The following KLHL29 variants were observed in gnomAD, a reference collection of about 807,000 sequenced individuals.
The protein encoded by KLHL29 is kelch like family member 29.
A neutral mutation model predicts 80.4 loss-of-function variants in KLHL29; 21 were observed. The observed-to-expected ratio is 0.26, with a 90% CI of 0.19 to 0.38. The LOEUF (loss-of-function observed/expected upper bound fraction) is 0.38, where lower values mean the gene tolerates loss of function less well. Ranked by LOEUF, KLHL29 falls within the 10% of genes least tolerant of loss-of-function variation. KLHL29 has a pLI of 1.00. For missense variants in KLHL29, 867 were observed against 1,223.9 expected, an observed-to-expected ratio of 0.71 and a Z score of 4.35; for synonymous variants, 511 against 526.8, an observed-to-expected ratio of 0.97 and a Z score of 0.41.
rs796372962 is a variant in KLHL29, at chr2:23,674,678, GGAGT to G, written c.941-9717_941-9714del. Among the ~76,000 whole-genome samples the G allele has an allele frequency of 7.2e-5, 11 of 152,200 alleles. 1 individual carries two copies. The highest frequency in any genetic ancestry group is 2.6e-4 in the African/African-American group (11 of 41,526). On this transcript the variant is annotated intron_variant, in intron 5 of 13. Coordinates refer to ENST00000486442, the MANE Select transcript of KLHL29 (RefSeq NM_052920.2). ...ATGGAGGGCTATGAGCACAGGAGGA[GGAGT>G]GAGACCCACCCACCCTCACCCCCAC...
intron 2 of KLHL29, among the ~76,000 whole-genome samples, chr2:23,556,921 T>A (rs774958124): frequency 2.6e-5 from 4 of 152,246 alleles, no homozygotes; most frequent in Non-Finnish European, 5.9e-5. Flanking sequence ...AAACAGGTGC[T>A]AGCAAAGCAC....
intron 1 of KLHL29, among the ~76,000 whole-genome samples, chr2:23,397,864 C>G (rs1052258623): frequency 2.0e-5 from 3 of 152,192 alleles, no homozygotes; most frequent in African/African-American, 7.2e-5. Flanking sequence ...AAAAGATGCT[C>G]CACATCACTA....
At chr2:23,504,313 A>G (rs899779172) in intron 2 of KLHL29, among the ~76,000 whole-genome samples, 1 of 152,212 alleles carries the variant, frequency 6.6e-6, no homozygotes, top group African/African-American at 2.4e-5. Flanking sequence ...AGAGGGTGAG[A>G]GCTCTGATCG....
At chr2:23,528,381 G>T (rs1255536066) in intron 2 of KLHL29, among the ~76,000 whole-genome samples, 1 of 152,156 alleles carries the variant, frequency 6.6e-6, no homozygotes, top group Non-Finnish European at 1.5e-5. Flanking sequence ...TCCGAGGCTG[G>T]TCTCCATTTC....
chr2:23,606,900 TC>T lies in KLHL29; in HGVS notation c.286-32237del, dbSNP rs754991544. 3.5e-4 allele frequency among the ~76,000 whole-genome samples: 53 copies of T among 152,244 alleles called. No homozygotes were observed. The Middle Eastern group carries it at 0.017, about 49-fold the overall frequency. ...AACAACAGAAATGTATTTCTCACAG[TC>T]CTGGAAGATGAGAAACCCACGATCA... On this transcript the variant is annotated intron_variant, in intron 3 of 13. Transcript: ENST00000486442.
rs1666285625 is a variant in KLHL29, at chr2:23,390,316, C to T, written c.-154+4536C>T. ...ATTCAAGTAGTTCAGAGACTCTCGA[C>T]TGTGCAGCTGCAAATGATGACTCAC... On this transcript the variant is annotated intron_variant, in intron 1 of 13. Coordinates refer to ENST00000486442, the MANE Select transcript of KLHL29 (RefSeq NM_052920.2). Among the ~76,000 whole-genome samples the T allele has an allele frequency of 2.0e-5, 3 of 152,286 alleles. No individual in the cohort carries two copies. The South Asian group carries it at 6.2e-4, about 32-fold the overall frequency.
At chr2:23,548,398 C>T (rs759270965) in intron 2 of KLHL29, among the ~76,000 whole-genome samples, 2 of 152,108 alleles carry the variant, frequency 1.3e-5, no homozygotes, top group Non-Finnish European at 1.5e-5. Context: ...CACATGCACG[C>T]ACCCTCTTCC....
chr2:23,640,468 T>C (rs1189164372), intron 4 of KLHL29, among the ~76,000 whole-genome samples: 1 of 152,160 alleles, frequency 6.6e-6, no homozygotes, highest in East Asian at 1.9e-4. Context: ...CTGATGCATT[T>C]TTCCAGGCTC....
At chr2:23,518,395 G>C (rs994828637) in intron 2 of KLHL29, among the ~76,000 whole-genome samples, 2 of 152,340 alleles carry the variant, frequency 1.3e-5, no homozygotes, top group South Asian at 2.1e-4. Context: ...AGCCACTGGG[G>C]ATTAGGGAGC....
chr2:23,397,976 G>A (rs1666493909), intron 1 of KLHL29, among the ~76,000 whole-genome samples: 1 of 140,846 alleles, frequency 7.1e-6, no homozygotes, highest in Admixed American at 7.4e-5. Flanking sequence ...TGGTGAGGAT[G>A]TGGAGAAACT....
At chr2:23,425,558 G>A in intron 1 of KLHL29, among the ~76,000 whole-genome samples, 1 of 152,214 alleles carries the variant, frequency 6.6e-6, no homozygotes, top group Non-Finnish European at 1.5e-5. Flanking sequence ...GCAGGTAGCA[G>A]GGTGAGCCCC....
At chr2:23,481,832 G>T (rs1664805882) in intron 2 of KLHL29, among the ~76,000 whole-genome samples, 1 of 152,054 alleles carries the variant, frequency 6.6e-6, no homozygotes, top group Non-Finnish European at 1.5e-5. Flanking sequence ...CAGGAGAATT[G>T]CTTGAACCCG....
intron 3 of KLHL29, among the ~76,000 whole-genome samples, chr2:23,588,426 G>T (rs1043087787): frequency 1.3e-5 from 2 of 152,170 alleles, no homozygotes; most frequent in African/African-American, 4.8e-5. Context: ...CCCCTTGCCC[G>T]CCTGGGCCCT....
chr2:23,470,147 C>T (rs1355194637), intron 1 of KLHL29, among the ~76,000 whole-genome samples: 1 of 152,154 alleles, frequency 6.6e-6, no homozygotes, highest in Non-Finnish European at 1.5e-5. Flanking sequence ...ACCTCATTTT[C>T]TTTATCTTCC....
At chr2:23,490,027 G>C (rs1665050393) in intron 2 of KLHL29, among the ~76,000 whole-genome samples, 1 of 152,240 alleles carries the variant, frequency 6.6e-6, no homozygotes, top group African/African-American at 2.4e-5. Context: ...TGCCTCAGCT[G>C]ATGTTGAATG....
chr2:23,611,128 T>C (rs1668861133), intron 3 of KLHL29, among the ~76,000 whole-genome samples: 1 of 152,308 alleles, frequency 6.6e-6, no homozygotes, highest in African/African-American at 2.4e-5. Flanking sequence ...AAGCAGGTAG[T>C]GTCTAATAAC....
intron 2 of KLHL29, among the ~76,000 whole-genome samples, chr2:23,488,384 A>G (rs1443167843): frequency 2.0e-5 from 3 of 152,224 alleles, no homozygotes; most frequent in African/African-American, 4.8e-5. Flanking sequence ...TCTCCCGCTC[A>G]GTCTCGTCTC....
intron 3 of KLHL29, among the ~76,000 whole-genome samples, chr2:23,614,320 G>A (rs973079211): frequency 6.6e-5 from 10 of 152,144 alleles, no homozygotes; most frequent in South Asian, 6.2e-4. Context: ...ACTGGCATGC[G>A]TCCTTAACTT....
intron 1 of KLHL29, among the ~76,000 whole-genome samples, chr2:23,459,654 A>G (rs573087029): frequency 6.6e-6 from 1 of 152,360 alleles, no homozygotes; most frequent in African/African-American, 2.4e-5. Context: ...GAGACTGGCC[A>G]CGGATGCCCA....
Sources: allele counts gnomAD v4.1 joint callset (sites outside exome capture counted in the v4.1 genomes callset), GRCh38; gene constraint gnomAD v4.1.1; transcripts MANE v1.5; gene names NCBI Gene and HGNC (gene_info 2026-07-23, HGNC 2026-07-21).